The following C1GALT1 variants were observed in gnomAD, a reference collection of about 807,000 sequenced individuals.
The protein encoded by C1GALT1 is core 1 synthase, glycoprotein-N-acetylgalactosamine 3-beta-galactosyltransferase 1, also known as glycoprotein-N-acetylgalactosamine 3-beta-galactosyltransferase 1.
C1GALT1 carries 11 observed loss-of-function variants against 31.0 expected under a neutral mutation model. That is an observed-to-expected ratio of 0.36 (90% confidence interval 0.22 to 0.59). The LOEUF is 0.59. Among genes scored for constraint, C1GALT1 ranks in the 20% least tolerant of loss-of-function variants. The pLI, the probability that C1GALT1 is intolerant of heterozygous loss-of-function variation, is 0.79. For missense variants in C1GALT1, 424 were observed against 425.2 expected, an observed-to-expected ratio of 1.00 and a Z score of 0.03; for synonymous variants, 175 against 143.6, an observed-to-expected ratio of 1.22 and a Z score of -1.56.
At chr7:7,227,602 C>T (rs1782830653) in intron 1 of C1GALT1, among the ~76,000 whole-genome samples, 2 of 151,468 alleles carry the variant, frequency 1.3e-5, no homozygotes, top group East Asian at 1.9e-4. Flanking sequence ...CGCCTGTAGT[C>T]CCAGCTACTT....
chr7:7,221,091 C>T (rs1172823270), intron 1 of C1GALT1, among the ~76,000 whole-genome samples: 2 of 152,068 alleles, frequency 1.3e-5, no homozygotes, highest in Non-Finnish European at 2.9e-5. Flanking sequence ...TCATTGGATC[C>T]TTTCAGTGTG....
At chr7:7,201,053 G>A (rs189946174) in intron 1 of C1GALT1, among the ~76,000 whole-genome samples, 10 of 152,244 alleles carry the variant, frequency 6.6e-5, no homozygotes, top group Non-Finnish European at 1.5e-4. Flanking sequence ...GCGAGGAGCT[G>A]CGTTCCTTTG....
intron 1 of C1GALT1, among the ~76,000 whole-genome samples, chr7:7,200,938 C>A (rs376490104): frequency 2.6e-5 from 4 of 152,264 alleles, no homozygotes; most frequent in South Asian, 2.1e-4. Flanking sequence ...GCGATGGGTT[C>A]GAGCATCCTC....
At chr7:7,206,014 G>A (rs1781723861) in intron 1 of C1GALT1, among the ~76,000 whole-genome samples, 1 of 151,722 alleles carries the variant, frequency 6.6e-6, no homozygotes, top group Non-Finnish European at 1.5e-5. Context: ...TATTCTATAA[G>A]CTATTTTCTT....
upstream of C1GALT1, among the ~76,000 whole-genome samples, chr7:7,180,366 T>C (rs78472622): frequency 1.8e-4 from 27 of 152,362 alleles, no homozygotes; most frequent in East Asian, 5.2e-3. Flanking sequence ...CAAAAGCCTA[T>C]GGATAAGAAT....
chr7:7,229,468 C>G (rs1207491130), intron 1 of C1GALT1, among the ~76,000 whole-genome samples: 1 of 152,142 alleles, frequency 6.6e-6, no homozygotes, highest in African/African-American at 2.4e-5. Flanking sequence ...GTTTTCAATT[C>G]ATGGTACTTT....
At chr7:7,210,131 T>C (rs1419783756) in intron 1 of C1GALT1, among the ~76,000 whole-genome samples, 1 of 152,212 alleles carries the variant, frequency 6.6e-6, no homozygotes, top group Non-Finnish European at 1.5e-5. Flanking sequence ...ATGGCTTAGC[T>C]TGGGCTCAGA....
chr7:7,198,769 G>A (rs1781408426), intron 1 of C1GALT1, among the ~76,000 whole-genome samples: 1 of 152,174 alleles, frequency 6.6e-6, no homozygotes, highest in African/African-American at 2.4e-5. Context: ...TTGGGAGGGT[G>A]TATGTGTCCA....
intron 1 of C1GALT1, among the ~76,000 whole-genome samples, chr7:7,210,720 ATGT>A (rs1334444871): frequency 2.6e-5 from 4 of 152,078 alleles, no homozygotes; most frequent in African/African-American, 9.7e-5. Flanking sequence ...TGGCGCCATG[ATGT>A]TCTACGCTCG....
At chr7:7,205,182 G>C (rs934611708) in intron 1 of C1GALT1, among the ~76,000 whole-genome samples, 1 of 152,004 alleles carries the variant, frequency 6.6e-6, no homozygotes, top group Non-Finnish European at 1.5e-5. Context: ...GTTCATCTCA[G>C]TGGTCTGTTA....
At chr7:7,232,483 G>T (rs1783124586) in intron 1 of C1GALT1, among the ~76,000 whole-genome samples, 1 of 94,414 alleles carries the variant, frequency 1.1e-5, no homozygotes, top group Non-Finnish European at 1.9e-5. Flanking sequence ...AAAGGGCGTG[G>T]GTTTTTTTTT....
In C1GALT1 at chr7:7,234,491, C is replaced by T. The variant is rs1783244254; in HGVS notation, c.172C>T (p.His58Tyr). The T allele has an allele frequency of 1.2e-6, 2 of 1,613,630 alleles. No homozygotes were observed. Among genetic ancestry groups the T allele is most frequent in the South Asian group, 1.1e-5 (1 of 91,056 alleles). Residue 58 changes from histidine (H) to tyrosine (Y), a missense_variant, in exon 2 of 4, where the codon CAT becomes TAT. Around this residue, in one of 3 missense-constraint regions of C1GALT1, gnomAD observed 189 missense variants for 158.2 expected, o/e 1.19. Transcript: ENST00000436587. ...ARHSDDNGQN[H>Y]LEGQMNFNAD... ...GCATTCAGATGATAATGGACAGAAT[C>T]ATCTAGAAGGACAAATGAACTTCAA...
chr7:7,219,128 GC>G (rs1782391919), intron 1 of C1GALT1, among the ~76,000 whole-genome samples: 1 of 152,184 alleles, frequency 6.6e-6, no homozygotes, highest in African/African-American at 2.4e-5. Context: ...GTGAGCCACT[GC>G]GCCTGGCATG....
intron 2 of C1GALT1, among the ~76,000 whole-genome samples, chr7:7,158,192 C>A (rs1780294150): frequency 6.6e-6 from 1 of 152,156 alleles, no homozygotes; most frequent in African/African-American, 2.4e-5. Flanking sequence ...AATGTCCCTT[C>A]CTTTCTGCTA....
chr7:7,218,920 G>A (rs890223504), intron 1 of C1GALT1, among the ~76,000 whole-genome samples: 4 of 150,536 alleles, frequency 2.7e-5, no homozygotes, highest in Non-Finnish European at 5.9e-5. Flanking sequence ...TGCAAGCTCC[G>A]CCTCCGCAGT....
intron 1 of C1GALT1, among the ~76,000 whole-genome samples, chr7:7,225,805 A>T (rs1215737676): frequency 6.6e-6 from 1 of 152,230 alleles, no homozygotes; most frequent in African/African-American, 2.4e-5. Context: ...AGATTTATAA[A>T]TAGAGCAAAA....
chr7:7,162,758 C>T (rs1288103684), intron 2 of C1GALT1, among the ~76,000 whole-genome samples: 2 of 152,008 alleles, frequency 1.3e-5, no homozygotes, highest in African/African-American at 4.8e-5. Context: ...CCTATTTCTC[C>T]ACATCCTCTC....
At chr7:7,177,710 A>T (rs1780519927), upstream of C1GALT1, among the ~76,000 whole-genome samples, 1 of 152,260 alleles carries the variant, frequency 6.6e-6, no homozygotes, top group African/African-American at 2.4e-5. Flanking sequence ...AAATCAGTAA[A>T]TAAGTTGTCA....
intron 1 of C1GALT1, among the ~76,000 whole-genome samples, chr7:7,194,285 A>G (rs1317321440): frequency 6.6e-6 from 1 of 152,072 alleles, no homozygotes; most frequent in Non-Finnish European, 1.5e-5. Flanking sequence ...ACCTTTCTCC[A>G]TTCAGTATAA....
Sources: gnomAD v4.1 joint callset for allele counts (sites outside exome capture counted in the v4.1 genomes callset) on GRCh38, gnomAD v4.1.1 for gene constraint, gnomAD v4.1.1 regional missense constraint, MANE v1.5 for transcripts, NCBI Gene and HGNC (gene_info 2026-07-23, HGNC 2026-07-21) for gene names.